Variants in GCNT1 observed in about 807,000 individuals in gnomAD.
GCNT1 encodes glucosaminyl (N-acetyl) transferase 1.
GCNT1 carries 16 observed loss-of-function variants against 26.2 expected under a neutral mutation model. The observed-to-expected ratio is 0.61, with a 90% CI of 0.41 to 0.93. GCNT1 has a LOEUF of 0.93. Among genes scored for constraint, GCNT1 ranks in the 40% least tolerant of loss-of-function variants. GCNT1 has a pLI of 0.00. For synonymous variants in GCNT1, 183 were observed against 190.8 expected (o/e 0.96, Z 0.34); for missense variants, 477 against 526.7 (o/e 0.91, Z 0.92).
In GCNT1 at chr9:76,502,485, A is replaced by G. The variant is rs778594758; in HGVS notation, c.104A>G (p.His35Arg). 5.0e-6 allele frequency: 8 copies of G among 1,613,814 alleles called. No homozygotes were observed. Among genetic ancestry groups the G allele is most frequent in the Non-Finnish European group, 6.8e-6 (8 of 1,179,708 alleles). ...ATCACCTTCTCCGTTTTAAGGATTC[A>G]TCAAAAGCCTGAATTTGTAAGTGTC... ...SLITFSVLRI[H>R]QKPEFVSVRH... The change falls in exon 4 of 4, where the codon CAT becomes CGT. Residue 35 changes from histidine (H) to arginine (R), a missense_variant. His to Arg is a conservative substitution (Grantham distance 29, BLOSUM62 0). Coordinates refer to ENST00000376730, the MANE Select transcript of GCNT1 (RefSeq NM_001490.5).
chr9:76,478,220 A>G (rs1423330614), intron 2 of GCNT1, among the ~76,000 whole-genome samples: 1 of 152,178 alleles, frequency 6.6e-6, no homozygotes, highest in Non-Finnish European at 1.5e-5. Context: ...GCTCTTCACA[A>G]TAAATCTTGC....
At chr9:76,448,191 C>T (rs748515616) in intron 1 of GCNT1, among the ~76,000 whole-genome samples, 2 of 152,212 alleles carry the variant, frequency 1.3e-5, no homozygotes, top group Non-Finnish European at 2.9e-5. Flanking sequence ...GTGGCTCGCG[C>T]CTGTAATCCA....
chr9:76,413,653 G>GTTTTGTTTTTTTTGTTTTT, the GCNT1 span, among the ~76,000 whole-genome samples: 8 of 118,664 alleles, frequency 6.7e-5, no homozygotes, highest in East Asian at 2.7e-4. Context: ...GTTTTGTTTT[G>GTTTTGTTTTTTTTGTTTTT]TTTTTTTTTT....
At position 76,504,527 on chromosome 9, in the gene GCNT1, C is replaced by G. The variant is rs971915291; in HGVS notation, c.*859C>G. On this transcript the variant is annotated 3_prime_UTR_variant, in exon 4 of 4. Transcript: ENST00000376730. ...GACCCTAAATTATTGTCTCTGCTAT[C>G]TGACTGCCAGTAATTAGTGCAGAAA... 7.8e-6 allele frequency: 3 copies of G among 383,222 alleles called. No homozygotes were observed. Among genetic ancestry groups the G allele is most frequent in the Non-Finnish European group, 1.4e-5 (3 of 207,540 alleles). 23.7% of individuals were successfully genotyped at this position (383,222 alleles called of 1,614,324 possible).
chr9:76,397,867 C>T, the GCNT1 span, among the ~76,000 whole-genome samples: 1 of 152,098 alleles, frequency 6.6e-6, no homozygotes, highest in Non-Finnish European at 1.5e-5. Flanking sequence ...CTTCAGAGGC[C>T]AAAGCATATG....
intron 2 of GCNT1, among the ~76,000 whole-genome samples, chr9:76,477,999 C>T (rs1165109043): frequency 1.3e-5 from 2 of 152,090 alleles, no homozygotes; most frequent in Non-Finnish European, 2.9e-5. Flanking sequence ...ATTGTAAACG[C>T]ACCAATCAGC....
chr9:76,468,222 G>A (rs573304752), intron 2 of GCNT1, among the ~76,000 whole-genome samples: 59 of 152,228 alleles, frequency 3.9e-4, no homozygotes, highest in African/African-American at 1.4e-3. Flanking sequence ...TGTCTTGTAC[G>A]GTGAATGTGG....
upstream of GCNT1, among the ~76,000 whole-genome samples, chr9:76,454,513 G>A (rs1823721272): frequency 6.6e-6 from 1 of 151,920 alleles, no homozygotes; most frequent in Non-Finnish European, 1.5e-5. Flanking sequence ...TTCTTGGGAG[G>A]GGATGTGATA....
intron 1 of GCNT1, among the ~76,000 whole-genome samples, chr9:76,452,524 G>A (rs762969919): frequency 3.9e-5 from 6 of 152,106 alleles, no homozygotes; most frequent in Non-Finnish European, 8.8e-5. Context: ...GCATGGCTTG[G>A]GAGGCCTCAG....
At chr9:76,411,795 G>A in the GCNT1 span, among the ~76,000 whole-genome samples, 6 of 144,800 alleles carry the variant, frequency 4.1e-5, no homozygotes, top group East Asian at 2.0e-4. Flanking sequence ...TCCACCTCCC[G>A]GGTTAAAGCG....
chr9:76,468,254 C>CG (rs767574577), intron 2 of GCNT1, among the ~76,000 whole-genome samples: 1 of 152,168 alleles, frequency 6.6e-6, no homozygotes, highest in Non-Finnish European at 1.5e-5. Flanking sequence ...GATAAGGAGG[C>CG]AGGGATTCCT....
At chr9:76,497,510 C>T (rs56085936) in intron 2 of GCNT1, among the ~76,000 whole-genome samples, 12,555 of 152,180 alleles carry the variant, frequency 0.083, 575 homozygotes, top group Middle Eastern at 0.17. Context: ...ACATATTTAG[C>T]TTCTTTATAG....
At chr9:76,424,129 A>T (rs1823232231) in intron 1 of GCNT1, among the ~76,000 whole-genome samples, 1 of 152,230 alleles carries the variant, frequency 6.6e-6, no homozygotes, top group Non-Finnish European at 1.5e-5. Flanking sequence ...GAGTGAAATG[A>T]ATATCCATCC....
chr9:76,405,471 C>T, the GCNT1 span, among the ~76,000 whole-genome samples: 9 of 152,238 alleles, frequency 5.9e-5, no homozygotes, highest in Non-Finnish European at 8.8e-5. Context: ...AAAGGAATAC[C>T]GACTTGTATC....
chr9:76,426,639 G>A (rs1453050569), intron 1 of GCNT1, among the ~76,000 whole-genome samples: 2 of 152,196 alleles, frequency 1.3e-5, no homozygotes, highest in Non-Finnish European at 2.9e-5. Flanking sequence ...GTTCACGCCT[G>A]TAATCCCGCA....
chr9:76,500,856 TGA>T (rs1343887450), intron 2 of GCNT1, 58 bp from the exon 3 acceptor site: 2 of 152,246 alleles, frequency 1.3e-5, no homozygotes, highest in African/African-American at 4.8e-5. Context: ...ACATATTTTC[TGA>T]GTGTGTGAAT....
Position 76,502,886 on chromosome 9 carries a change from A to G in GCNT1, c.505A>G (p.Ile169Val), listed in dbSNP as rs139675992. 1.9e-4 allele frequency: 305 copies of G among 1,614,022 alleles called. No individual in the cohort carries two copies. In the African/African-American group the frequency reaches 3.8e-3, roughly 20 times the overall value. The change falls in exon 4 of 4, where the codon ATC (isoleucine) becomes GTC (valine). Residue 169 changes from isoleucine to valine, a missense_variant. Physicochemically the swap from Ile to Val is conservative, Grantham distance 29 (BLOSUM62 3). Transcript: ENST00000376730. ...EDSYLAAVMG[I>V]ASCFSNVFVA... is the part of the protein sequence containing the mutation. ...TTCCTATTTAGCTGCAGTGATGGGCATCGCTTCCTGTTTTAGTAATGTCTT... is the reference window on the plus strand; with the variant it reads ...TTCCTATTTAGCTGCAGTGATGGGCGTCGCTTCCTGTTTTAGTAATGTCTT...
At chr9:76,500,493 G>A (rs1396112704) in intron 2 of GCNT1, among the ~76,000 whole-genome samples, 1 of 152,162 alleles carries the variant, frequency 6.6e-6, no homozygotes, top group African/African-American at 2.4e-5. Flanking sequence ...GTGGAGTGGG[G>A]TGGTGATCAA....
In GCNT1 at chr9:76,494,388, A is replaced by G. The variant is rs1197682181; in HGVS notation, c.-289-6528A>G. On this transcript the variant is annotated intron_variant, in intron 2 of 3. Transcript: ENST00000376730. ...GTCCCATAAAGATGTTATGCCCCCAAAATGAAGTGGAGGGCCATACCCTGA... is the reference window on the plus strand; with the variant it reads ...GTCCCATAAAGATGTTATGCCCCCAGAATGAAGTGGAGGGCCATACCCTGA... Among the ~76,000 whole-genome samples the G allele has an allele frequency of 2.0e-5, 3 of 152,102 alleles. No homozygotes were observed. The South Asian group carries it at 6.2e-4, about 32-fold the overall frequency.
Sources: gnomAD v4.1 joint callset for allele counts (sites outside exome capture counted in the v4.1 genomes callset) on GRCh38, gnomAD v4.1.1 for gene constraint, MANE v1.5 for transcripts, NCBI Gene and HGNC (gene_info 2026-07-23, HGNC 2026-07-21) for gene names.